Variants in GRID1 observed in about 807,000 individuals in gnomAD.
The protein encoded by GRID1 is glutamate receptor ionotropic, delta-1.
GRID1 carries 28 observed loss-of-function variants against 98.0 expected under a neutral mutation model. The observed-to-expected ratio is 0.29, with a 90% CI of 0.21 to 0.39. The LOEUF (loss-of-function observed/expected upper bound fraction) is 0.39. Ranked by LOEUF, GRID1 falls within the 10% of genes least tolerant of loss-of-function variation. The pLI, the probability that GRID1 is intolerant of heterozygous loss-of-function variation, is 1.00. For missense variants in GRID1, 1,111 were observed against 1,340.5 expected (o/e 0.83, Z 2.67); for synonymous variants, 553 against 538.5 (o/e 1.03, Z -0.37).
chr10:85,770,751 G>T (rs1436258843), intron 8 of GRID1, among the ~76,000 whole-genome samples: 1 of 152,194 alleles, frequency 6.6e-6, no homozygotes, highest in Non-Finnish European at 1.5e-5. Context: ...TGAATGAAAT[G>T]AAGTGAGAAG....
At chr10:85,900,258 C>T (rs546388553) in intron 5 of GRID1, among the ~76,000 whole-genome samples, 5 of 152,274 alleles carry the variant, frequency 3.3e-5, no homozygotes, top group South Asian at 4.1e-4. Flanking sequence ...CGTGCAGGCG[C>T]GCTTGCTTCT....
At position 86,231,592 on chromosome 10, in the gene GRID1, C is replaced by T. The variant is rs1870160; in HGVS notation, c.236-24944G>A. 2.9e-3 allele frequency among the ~76,000 whole-genome samples: 443 copies of T among 152,282 alleles called. 2 individuals carry two copies. Among genetic ancestry groups the T allele is most frequent in the African/African-American group, 7.6e-3 (314 of 41,550 alleles). On this transcript the variant is annotated intron_variant, in intron 2 of 15. Coordinates refer to ENST00000327946, the MANE Select transcript of GRID1 (RefSeq NM_017551.3). ...AAAAGCTTTGGATGAAGAGCACAGTCGGGGTCATGTTATCTCTGTAGGCCT... is the reference window on the plus strand; with the variant it reads ...AAAAGCTTTGGATGAAGAGCACAGTTGGGGTCATGTTATCTCTGTAGGCCT...
At chr10:86,310,423 T>A (rs1031892674) in intron 2 of GRID1, among the ~76,000 whole-genome samples, 1 of 152,074 alleles carries the variant, frequency 6.6e-6, no homozygotes, top group African/African-American at 2.4e-5. Flanking sequence ...GTCATGGTGG[T>A]CCCCAGCCCT....
chr10:86,295,957 C>A (rs1014893191), intron 2 of GRID1, among the ~76,000 whole-genome samples: 9 of 152,248 alleles, frequency 5.9e-5, no homozygotes, highest in African/African-American at 1.9e-4. Context: ...CAGACAGTGT[C>A]CCTACCTTCT....
intron 8 of GRID1, among the ~76,000 whole-genome samples, chr10:85,801,795 T>C (rs1411961183): frequency 3.3e-5 from 5 of 151,868 alleles, no homozygotes; most frequent in Admixed American, 2.6e-4. Context: ...TGTTCTAGAA[T>C]ATACAATTAT....
intron 8 of GRID1, among the ~76,000 whole-genome samples, chr10:85,756,115 C>T (rs1842095899): frequency 6.6e-6 from 1 of 152,148 alleles, no homozygotes; most frequent in Admixed American, 6.5e-5. Context: ...GTACCGAACC[C>T]AATTGCCATC....
At chr10:85,880,856 T>G (rs1239511996) in intron 5 of GRID1, among the ~76,000 whole-genome samples, 1 of 152,198 alleles carries the variant, frequency 6.6e-6, no homozygotes, top group Non-Finnish European at 1.5e-5. Context: ...GATAACATGA[T>G]TGTATATCTA....
Position 85,955,241 on chromosome 10 carries a change from C to T in GRID1, c.727-39002G>A, listed in dbSNP as rs573938697. Among the ~76,000 whole-genome samples, 6 of 152,262 alleles carry T rather than the reference C, an allele frequency of 3.9e-5. No homozygotes were observed. In the East Asian group the frequency reaches 9.6e-4, roughly 24 times the overall value. ...AAACTGAGACAAAGAAGCTTTTCTG[C>T]CCTTGCTCCAGAGTCCCAGCCCTTA... On this transcript the variant is annotated intron_variant, in intron 4 of 15. Transcript: ENST00000327946.
rs187401327 is a variant in GRID1 at position 85,750,381 on chromosome 10, T to C, written c.1234-20767A>G. ...CTGAAAGATATGATTACTCCTATTT[T>C]AAGAGCAAGGCTTCTGCCCAACCTC... is the stretch of plus-strand genomic sequence containing the variant. On this transcript the variant is annotated intron_variant, in intron 8 of 15. Transcript: ENST00000327946. Among the ~76,000 whole-genome samples the C allele has an allele frequency of 9.2e-5, 14 of 152,304 alleles. No individual in the cohort carries two copies. The East Asian group carries it at 2.7e-3, about 29-fold the overall frequency.
intron 4 of GRID1, among the ~76,000 whole-genome samples, chr10:86,119,851 C>G (rs1002807664): frequency 1.3e-5 from 2 of 152,082 alleles, no homozygotes; most frequent in African/African-American, 4.8e-5. Flanking sequence ...AGTGCAGTCG[C>G]GCCATCTCAG....
At position 86,263,685 on chromosome 10, in the gene GRID1, G is replaced by C. The variant is rs111768248; in HGVS notation, c.236-57037C>G. 6.2e-3 allele frequency among the ~76,000 whole-genome samples: 943 copies of C among 152,272 alleles called. 11 individuals are homozygous for C. Among genetic ancestry groups the C allele is most frequent in the African/African-American group, 0.022 (896 of 41,534 alleles). ...CCCTCCCCCTCGGGTTGTGAGAATTGAGTCACTATTTATAAAGTGCTTAGA... is the reference window on the plus strand; with the variant it reads ...CCCTCCCCCTCGGGTTGTGAGAATTCAGTCACTATTTATAAAGTGCTTAGA... On this transcript the variant is annotated intron_variant, in intron 2 of 15. Transcript: ENST00000327946.
In GRID1 at chr10:86,046,463, C is replaced by T. The variant is rs117254073; in HGVS notation, c.726+92356G>A. On this transcript the variant is annotated intron_variant, in intron 4 of 15. Coordinates refer to ENST00000327946, the MANE Select transcript of GRID1 (RefSeq NM_017551.3). ...TTCATGAGCTAAGCCCCACTTGGGG[C>T]TTGCCTGCCCTATATCAATTTCACC... is the stretch of plus-strand genomic sequence containing the variant. Among the ~76,000 whole-genome samples, 185 of 152,320 alleles carry T rather than the reference C, an allele frequency of 1.2e-3. 3 individuals carry two copies. The East Asian group carries it at 0.035, about 29-fold the overall frequency.
intron 4 of GRID1, among the ~76,000 whole-genome samples, chr10:86,027,449 T>C (rs889171394): frequency 3.3e-5 from 5 of 152,260 alleles, no homozygotes; most frequent in African/African-American, 1.2e-4. Flanking sequence ...CACGGCTAAA[T>C]ACTATTTCAT....
intron 7 of GRID1, 80 bp downstream of exon 7, chr10:85,855,949 C>T (rs1843105789): frequency 7.6e-7 from 1 of 1,311,588 alleles, no homozygotes; most frequent in South Asian, 1.3e-5. Flanking sequence ...AGCTTCAGGC[C>T]AGCTACTAGA....
chr10:86,256,662 G>C (rs889533755), intron 2 of GRID1, among the ~76,000 whole-genome samples: 1 of 152,050 alleles, frequency 6.6e-6, no homozygotes, highest in Non-Finnish European at 1.5e-5. Context: ...ACATTAACAA[G>C]TAACCTAGTG....
intron 8 of GRID1, among the ~76,000 whole-genome samples, chr10:85,743,284 A>C (rs1329542702): frequency 6.6e-6 from 1 of 152,058 alleles, no homozygotes; most frequent in Non-Finnish European, 1.5e-5. Context: ...GAGTGAATCC[A>C]TCTTAGACCC....
chr10:85,669,827 A>G (rs1841064814), intron 12 of GRID1, among the ~76,000 whole-genome samples: 1 of 152,200 alleles, frequency 6.6e-6, no homozygotes, highest in Non-Finnish European at 1.5e-5. Flanking sequence ...AACCAAGTTT[A>G]CTGTTTAACA....
chr10:85,860,142 C>T (rs775866210), intron 6 of GRID1, among the ~76,000 whole-genome samples: 8 of 152,246 alleles, frequency 5.3e-5, no homozygotes, highest in African/African-American at 9.6e-5. Flanking sequence ...GAATGAGGCC[C>T]GGCTTGGAGA....
chr10:86,021,197 G>A (rs1272837310), intron 4 of GRID1, among the ~76,000 whole-genome samples: 1 of 152,178 alleles, frequency 6.6e-6, no homozygotes, highest in Non-Finnish European at 1.5e-5. Context: ...TGGAAGCCAA[G>A]CAAATTTTTA....
Sources: gnomAD v4.1 joint callset for allele counts (sites outside exome capture counted in the v4.1 genomes callset) on GRCh38, gnomAD v4.1.1 for gene constraint, MANE v1.5 for transcripts, NCBI Gene and HGNC (gene_info 2026-07-23, HGNC 2026-07-21) for gene names.